The following PPP4R4 variants were observed in gnomAD, a reference collection of about 807,000 sequenced individuals.
PPP4R4 encodes protein phosphatase 4 regulatory subunit 4, also known as serine/threonine-protein phosphatase 4 regulatory subunit 4.
PPP4R4 carries 70 observed loss-of-function variants against 121.8 expected under a neutral mutation model. The ratio of observed to expected loss-of-function variants is 0.57; its 90% CI spans 0.47 to 0.70. The LOEUF (loss-of-function observed/expected upper bound fraction) is 0.70, where lower values mean the gene tolerates loss of function less well. Ranked by LOEUF, PPP4R4 falls within the 30% of genes least tolerant of loss-of-function variation. The pLI is 0.00. For synonymous variants in PPP4R4, 348 were observed against 355.7 expected, an observed-to-expected ratio of 0.98 and a Z score of 0.24; for missense variants, 875 against 1,033.6, an observed-to-expected ratio of 0.85 and a Z score of 2.10.
In PPP4R4 at chr14:94,278,632, T is replaced by A. The variant is rs750925625; in HGVS notation, c.2611T>A (p.Ser871Thr). 1 of 1,580,034 alleles carries A rather than the reference T, an allele frequency of 6.3e-7. No homozygotes were observed. The highest frequency in any genetic ancestry group is 1.1e-5 in the South Asian group (1 of 87,062). The change falls in exon 25 of 25, where the codon TCC becomes ACC. Residue 871 changes from serine to threonine, a missense_variant. By Grantham distance (58) the Ser-to-Thr change is moderately conservative. Transcript: ENST00000304338. ...TTCTTCCCAAAGAAAATCCAGAAAA[T>A]CCAATCCTTAAATCAACTGCTTGAT... ...PRKATLKSRKSNP is the reference protein window; with the variant it reads ...PRKATLKSRKTNP
chr14:94,267,538 A>C (rs1229757496), intron 23 of PPP4R4, among the ~76,000 whole-genome samples: 1 of 152,200 alleles, frequency 6.6e-6, no homozygotes. Flanking sequence ...TAATGAATAG[A>C]TATGGCGGTG....
intron 14 of PPP4R4, among the ~76,000 whole-genome samples, chr14:94,249,585 A>G (rs1036802066): frequency 3.9e-5 from 6 of 152,076 alleles, no homozygotes; most frequent in African/African-American, 9.7e-5. Flanking sequence ...AAATGGCCAT[A>G]TTTATTTAGA....
chr14:94,275,294 A>G, intron 23 of PPP4R4, 80 bp from the exon 24 acceptor site: 4 of 1,475,402 alleles, frequency 2.7e-6, no homozygotes, highest in Non-Finnish European at 2.8e-6. Flanking sequence ...AAAGTTAGCT[A>G]TCATTAACCT....
At chr14:94,223,459 T>G (rs1293211555) in intron 3 of PPP4R4, among the ~76,000 whole-genome samples, 1 of 152,178 alleles carries the variant, frequency 6.6e-6, no homozygotes, top group African/African-American at 2.4e-5. Context: ...GGACTGCCCT[T>G]ATTCCCTACT....
intron 23 of PPP4R4, among the ~76,000 whole-genome samples, chr14:94,271,743 A>G (rs975182551): frequency 1.3e-5 from 2 of 152,194 alleles, no homozygotes; most frequent in African/African-American, 4.8e-5. Context: ...TAGAAAATCC[A>G]CAAGAATTGG....
chr14:94,244,491 A>T, intron 11 of PPP4R4, 144 bp from the exon 12 acceptor site: 1 of 638,348 alleles, frequency 1.6e-6, no homozygotes, highest in Non-Finnish European at 2.3e-6. Context: ...ACTAATTTTT[A>T]TAGAATCTAA....
At chr14:94,275,940 T>G (rs972881697) in intron 24 of PPP4R4, among the ~76,000 whole-genome samples, 11 of 152,224 alleles carry the variant, frequency 7.2e-5, no homozygotes, top group African/African-American at 2.2e-4. Flanking sequence ...CCCAGAATTG[T>G]GAGTCCAATA....
chr14:94,208,671 A>G (rs1013126090), intron 3 of PPP4R4, 105 bp downstream of exon 3: 1 of 733,802 alleles, frequency 1.4e-6, no homozygotes, highest in Middle Eastern at 2.4e-4. Flanking sequence ...TTTGCACCTA[A>G]AAATTGAGTG....
At chr14:94,238,778 A>G (rs370131774) in intron 8 of PPP4R4, among the ~76,000 whole-genome samples, 2 of 152,186 alleles carry the variant, frequency 1.3e-5, no homozygotes, top group African/African-American at 4.8e-5. Flanking sequence ...TTTTATCTGA[A>G]CTCTAGGAAG....
intron 2 of PPP4R4, among the ~76,000 whole-genome samples, chr14:94,196,858 T>TA (rs1889903242): frequency 6.6e-6 from 1 of 152,176 alleles, no homozygotes; most frequent in Non-Finnish European, 1.5e-5. Flanking sequence ...TAGTTACCTG[T>TA]AGTTTGCGTA....
intron 2 of PPP4R4, among the ~76,000 whole-genome samples, chr14:94,186,387 A>G (rs1432817450): frequency 1.3e-5 from 2 of 152,098 alleles, no homozygotes; most frequent in African/African-American, 4.8e-5. Context: ...GCTTCTTTCA[A>G]TCTAATTATT....
intron 3 of PPP4R4, chr14:94,227,347 G>A: frequency 6.2e-7 from 1 of 1,612,346 alleles, no homozygotes; most frequent in Non-Finnish European, 8.5e-7. Context: ...TTTGTCCAGA[G>A]GGTGTGACTC....
intron 2 of PPP4R4, among the ~76,000 whole-genome samples, chr14:94,190,953 G>A (rs1261895361): frequency 1.3e-5 from 2 of 150,820 alleles, no homozygotes. Flanking sequence ...ACACGTTTGT[G>A]TGCATGTGTA....
chr14:94,239,142 C>G (rs1467128708), intron 8 of PPP4R4, among the ~76,000 whole-genome samples: 1 of 151,006 alleles, frequency 6.6e-6, no homozygotes, highest in Non-Finnish European at 1.5e-5. Context: ...CATACTTTTT[C>G]TTTCTCTATT....
chr14:94,238,949 C>A (rs1230569835), intron 8 of PPP4R4, among the ~76,000 whole-genome samples: 1 of 152,176 alleles, frequency 6.6e-6, no homozygotes, highest in Non-Finnish European at 1.5e-5. Context: ...AGGCTCCAAA[C>A]TAGAACCTTG....
rs1354274969 is a variant in PPP4R4, at chr14:94,234,591, A to C, written c.653A>C (p.Lys218Thr). The C allele has an allele frequency of 1.2e-6, 2 of 1,606,866 alleles. No homozygotes were observed. The highest frequency in any genetic ancestry group is 4.5e-5 in the East Asian group (2 of 44,728). ...AAGCGAGAAATACTTCCTCTGGTAA[A>C]ATCACTCTGTCAAGATGTAGAATAT... ...TIKREILPLVKSLCQDVEYEV... is the reference protein window; with the variant it reads ...TIKREILPLVTSLCQDVEYEV... The change falls in exon 7 of 25, where the codon AAA (lysine) becomes ACA (threonine). Residue 218 changes from lysine (K) to threonine (T), a missense_variant. Physicochemically the swap from Lys to Thr is moderately conservative, Grantham distance 78. Transcript: ENST00000304338.
intron 3 of PPP4R4, among the ~76,000 whole-genome samples, chr14:94,223,519 G>C (rs1891527280): frequency 6.6e-6 from 1 of 152,138 alleles, no homozygotes; most frequent in Admixed American, 6.5e-5. Flanking sequence ...AAGTCACTTA[G>C]GCTCTCAGTC....
intron 17 of PPP4R4, 110 bp downstream of exon 17, chr14:94,256,714 C>A: frequency 8.7e-7 from 1 of 1,148,454 alleles, no homozygotes; most frequent in Non-Finnish European, 1.2e-6. Flanking sequence ...TATTTTTATC[C>A]TTGCTAAAAT....
intron 3 of PPP4R4, among the ~76,000 whole-genome samples, chr14:94,223,663 C>T (rs960392972): frequency 6.6e-6 from 1 of 152,150 alleles, no homozygotes; most frequent in African/African-American, 2.4e-5. Context: ...TGTTAGTTTC[C>T]ATAGGCCTGT....
Sources: allele counts gnomAD v4.1 joint callset (sites outside exome capture counted in the v4.1 genomes callset), GRCh38; gene constraint gnomAD v4.1.1; transcripts MANE v1.5; gene names NCBI Gene and HGNC (gene_info 2026-07-23, HGNC 2026-07-21).